IMMP2L: variants seen among roughly 807,000 people sequenced by gnomAD.
IMMP2L encodes inner mitochondrial membrane peptidase subunit 2.
Under a neutral mutation model 19.3 loss-of-function variants are expected in IMMP2L, and 18 were observed. The ratio of observed to expected loss-of-function variants is 0.93; its 90% CI spans 0.64 to 1.38. The LOEUF (loss-of-function observed/expected upper bound fraction) is 1.38, where lower values mean the gene tolerates loss of function less well. IMMP2L is among the 40% of genes most tolerant of loss of function. The pLI is 0.00. For missense variants in IMMP2L, 233 were observed against 218.2 expected, an observed-to-expected ratio of 1.07 and a Z score of -0.43; for synonymous variants, 76 against 73.0, an observed-to-expected ratio of 1.04 and a Z score of -0.21.
At chr7:111,398,887 A>C (rs1232453763) in intron 3 of IMMP2L, among the ~76,000 whole-genome samples, 1 of 151,866 alleles carries the variant, frequency 6.6e-6, no homozygotes, top group Non-Finnish European at 1.5e-5. Context: ...AGCTGCAAAA[A>C]AAAAAAAAAA....
chr7:111,104,994 G>A lies in IMMP2L; in HGVS notation c.240-141429C>T, dbSNP rs886562108. ...GTTACAAGTGATTTGAGTCTAAAATGTGAATCTACTTGCCAGAATGCAAAG... is the reference window on the plus strand; with the variant it reads ...GTTACAAGTGATTTGAGTCTAAAATATGAATCTACTTGCCAGAATGCAAAG... On this transcript the variant is annotated intron_variant, in intron 3 of 5. Transcript: ENST00000405709. Among the ~76,000 whole-genome samples, 7 of 151,790 alleles carry A rather than the reference G, an allele frequency of 4.6e-5. 1 individual carries two copies. The highest frequency in any genetic ancestry group is 4.1e-4 in the South Asian group (2 of 4,826).
At chr7:110,902,479 A>AATATATATATATATATAT (rs67367468) in intron 4 of IMMP2L, among the ~76,000 whole-genome samples, 33 of 140,550 alleles carry the variant, frequency 2.3e-4, no homozygotes, top group African/African-American at 8.4e-4. Flanking sequence ...TGAATGATAA[A>AATATATATATATATATAT]ATATATATAT....
At chr7:111,263,088 T>C (rs976034924) in intron 3 of IMMP2L, among the ~76,000 whole-genome samples, 2 of 152,104 alleles carry the variant, frequency 1.3e-5, no homozygotes, top group African/African-American at 4.8e-5. Flanking sequence ...TGTAAGACAC[T>C]GTAAGGCCTT....
chr7:111,016,741 T>A (rs1194772528), intron 3 of IMMP2L, among the ~76,000 whole-genome samples: 2 of 97,640 alleles, frequency 2.0e-5, no homozygotes, highest in East Asian at 2.8e-4. Context: ...ATATATATAT[T>A]ATATATATTA....
intron 1 of IMMP2L, among the ~76,000 whole-genome samples, chr7:111,558,756 T>C (rs778022598): frequency 6.6e-6 from 1 of 152,176 alleles, no homozygotes; most frequent in Non-Finnish European, 1.5e-5. Context: ...TTTAAAAAGC[T>C]TTCCTTAGTA....
intron 3 of IMMP2L, among the ~76,000 whole-genome samples, chr7:111,209,237 A>C (rs940618519): frequency 3.9e-5 from 6 of 152,146 alleles, no homozygotes; most frequent in African/African-American, 1.4e-4. Flanking sequence ...CTCTAATAAA[A>C]ATATAAAAAA....
intron 3 of IMMP2L, among the ~76,000 whole-genome samples, chr7:111,447,701 A>G (rs1353333407): frequency 6.6e-6 from 1 of 151,890 alleles, no homozygotes; most frequent in Non-Finnish European, 1.5e-5. Flanking sequence ...AAATTCACAC[A>G]TAACAATATT....
intron 5 of IMMP2L, among the ~76,000 whole-genome samples, chr7:110,718,652 C>A (rs535044245): frequency 1.3e-5 from 2 of 152,000 alleles, no homozygotes; most frequent in Non-Finnish European, 2.9e-5. Flanking sequence ...ATAACTGAAG[C>A]GCTTTAGCAT....
intron 5 of IMMP2L, among the ~76,000 whole-genome samples, chr7:110,688,893 C>T (rs1350420767): frequency 6.7e-6 from 1 of 149,746 alleles, no homozygotes; most frequent in Non-Finnish European, 1.5e-5. Flanking sequence ...CATATGTATA[C>T]ACACACACTT....
At chr7:111,301,758 T>C (rs756023235) in intron 3 of IMMP2L, among the ~76,000 whole-genome samples, 4 of 151,972 alleles carry the variant, frequency 2.6e-5, no homozygotes, top group Non-Finnish European at 5.9e-5. Flanking sequence ...AAAATTAAGT[T>C]GGCCACATCT....
chr7:110,922,748 G>A (rs115826), intron 4 of IMMP2L, among the ~76,000 whole-genome samples: 82,884 of 151,846 alleles, frequency 0.55, 24,393 homozygotes, highest in East Asian at 0.81. Flanking sequence ...AAATTCTGCA[G>A]CCACCGATTG....
chr7:111,512,431 C>T (rs28835573), intron 2 of IMMP2L, among the ~76,000 whole-genome samples: 34,294 of 151,784 alleles, frequency 0.23, 5,678 homozygotes, highest in African/African-American at 0.47. Flanking sequence ...ATTTTAAAAC[C>T]GGGTTATGGT....
chr7:110,958,253 G>A (rs1404973468), intron 4 of IMMP2L, among the ~76,000 whole-genome samples: 1 of 151,946 alleles, frequency 6.6e-6, no homozygotes, highest in Non-Finnish European at 1.5e-5. Flanking sequence ...GGAAAATTTG[G>A]CAGTATATAT....
At chr7:111,530,659 G>C (rs1847304289) in intron 1 of IMMP2L, among the ~76,000 whole-genome samples, 1 of 150,996 alleles carries the variant, frequency 6.6e-6, no homozygotes, top group African/African-American at 2.4e-5. Context: ...AAGAAAACTG[G>C]AATTACAGGA....
At chr7:111,357,397 T>C (rs1828824398) in intron 3 of IMMP2L, among the ~76,000 whole-genome samples, 1 of 152,124 alleles carries the variant, frequency 6.6e-6, no homozygotes, top group Non-Finnish European at 1.5e-5. Context: ...TAAGCAACTA[T>C]AAAGTAGAAT....
intron 5 of IMMP2L, among the ~76,000 whole-genome samples, chr7:110,784,846 C>T (rs1023991457): frequency 4.6e-5 from 7 of 151,842 alleles, no homozygotes; most frequent in African/African-American, 1.7e-4. Flanking sequence ...GGGTTAACAG[C>T]CAGTTCTCTA....
At chr7:110,900,334 C>T (rs988058839) in intron 4 of IMMP2L, among the ~76,000 whole-genome samples, 2 of 152,092 alleles carry the variant, frequency 1.3e-5, no homozygotes, top group Non-Finnish European at 2.9e-5. Context: ...TAAAGCCAGA[C>T]AGAAAACCAT....
intron 4 of IMMP2L, among the ~76,000 whole-genome samples, chr7:110,904,431 T>C (rs1365221974): frequency 6.6e-6 from 1 of 152,198 alleles, no homozygotes; most frequent in Non-Finnish European, 1.5e-5. Context: ...CTTTTGTGTA[T>C]GGTACAAGAT....
intron 3 of IMMP2L, among the ~76,000 whole-genome samples, chr7:111,029,672 A>C (rs2129568502): frequency 6.6e-6 from 1 of 152,300 alleles, no homozygotes; most frequent in African/African-American, 2.4e-5. Flanking sequence ...AAGCCTACCA[A>C]GTTAGAAGAA....
Sources: gnomAD v4.1 joint callset for allele counts (sites outside exome capture counted in the v4.1 genomes callset) on GRCh38, gnomAD v4.1.1 for gene constraint, MANE v1.5 for transcripts, NCBI Gene and HGNC (gene_info 2026-07-23, HGNC 2026-07-21) for gene names.